ANKS1B: variants seen among roughly 807,000 people sequenced by gnomAD.
ANKS1B encodes ankyrin repeat and sterile alpha motif domain containing 1B.
In ANKS1B, 36 loss-of-function variants were observed where a neutral mutation model predicts 148.3. The observed-to-expected ratio is 0.24, with a 90% CI of 0.19 to 0.32. The LOEUF (loss-of-function observed/expected upper bound fraction) is 0.32. Ranked by LOEUF, ANKS1B falls within the 10% of genes least tolerant of loss-of-function variation. ANKS1B has a pLI of 1.00. For missense variants in ANKS1B, 1,157 were observed against 1,542.6 expected (o/e 0.75, Z 4.19); for synonymous variants, 542 against 560.8 (o/e 0.97, Z 0.47).
chr12:99,391,255 C>T (rs1188736681), intron 12 of ANKS1B, among the ~76,000 whole-genome samples: 3 of 152,180 alleles, frequency 2.0e-5, no homozygotes, highest in Non-Finnish European at 2.9e-5. Context: ...GATCATCTCT[C>T]TTCGTTTAAA....
intron 16 of ANKS1B, among the ~76,000 whole-genome samples, chr12:99,083,309 G>A (rs968211243): frequency 3.3e-5 from 5 of 152,232 alleles, no homozygotes; most frequent in South Asian, 4.1e-4. Context: ...AAATATCCAG[G>A]TGTATCTATT....
chr12:98,839,558 TTAAGTA>T (rs953794505), intron 17 of ANKS1B, among the ~76,000 whole-genome samples: 55 of 152,332 alleles, frequency 3.6e-4, no homozygotes, highest in Admixed American at 2.5e-3. Context: ...TATTTCTCTT[TTAAGTA>T]TAACAGAAAC....
At chr12:98,934,814 T>C (rs942521652) in intron 17 of ANKS1B, among the ~76,000 whole-genome samples, 10 of 152,034 alleles carry the variant, frequency 6.6e-5, no homozygotes, top group African/African-American at 2.4e-4. Context: ...ATTGATTTGG[T>C]ATATATCAAT....
intron 8 of ANKS1B, among the ~76,000 whole-genome samples, chr12:99,724,300 G>A (rs1367433201): frequency 6.6e-6 from 1 of 152,128 alleles, no homozygotes; most frequent in African/African-American, 2.4e-5. Flanking sequence ...CCAGTTTAGA[G>A]AGGAACATAA....
At chr12:98,932,385 G>A (rs1471613270) in intron 17 of ANKS1B, among the ~76,000 whole-genome samples, 1 of 152,130 alleles carries the variant, frequency 6.6e-6, no homozygotes, top group Non-Finnish European at 1.5e-5. Context: ...TTTAATTCCA[G>A]GATGCTCAGA....
intron 1 of ANKS1B, among the ~76,000 whole-genome samples, chr12:99,974,653 C>T (rs985023248): frequency 1.3e-5 from 2 of 152,062 alleles, no homozygotes; most frequent in Non-Finnish European, 2.9e-5. Flanking sequence ...AGGAGGATGG[C>T]TTGATCCCAG....
chr12:99,785,106 G>A (rs760643589), intron 4 of ANKS1B, among the ~76,000 whole-genome samples: 5 of 152,100 alleles, frequency 3.3e-5, no homozygotes, highest in Non-Finnish European at 7.4e-5. Flanking sequence ...CAATTTGTGA[G>A]TAGTGCAGGA....
At chr12:98,854,955 C>T (rs498270) in intron 17 of ANKS1B, among the ~76,000 whole-genome samples, 32,870 of 151,614 alleles carry the variant, frequency 0.22, 4,221 homozygotes, top group East Asian at 0.5. Flanking sequence ...GTCAGGAGAT[C>T]GAGACCATCC....
chr12:99,701,157 T>C (rs901808951), intron 8 of ANKS1B, among the ~76,000 whole-genome samples: 1 of 152,152 alleles, frequency 6.6e-6, no homozygotes, highest in African/African-American at 2.4e-5. Flanking sequence ...CTATTTCATA[T>C]CTTAGAATCT....
chr12:99,799,319 T>C (rs2066647498), intron 4 of ANKS1B, among the ~76,000 whole-genome samples: 1 of 152,098 alleles, frequency 6.6e-6, no homozygotes, highest in Non-Finnish European at 1.5e-5. Flanking sequence ...TTCTATCTCA[T>C]GGCTTCATCT....
intron 15 of ANKS1B, among the ~76,000 whole-genome samples, chr12:99,109,144 T>C (rs2059798432): frequency 6.6e-6 from 1 of 151,972 alleles, no homozygotes; most frequent in Non-Finnish European, 1.5e-5. Flanking sequence ...TGTAGAATGT[T>C]CCCAGGCTCT....
intron 17 of ANKS1B, among the ~76,000 whole-genome samples, chr12:98,979,150 G>C (rs570285214): frequency 6.6e-6 from 1 of 151,334 alleles, no homozygotes; most frequent in Admixed American, 6.6e-5. Context: ...TCAAAAAAAA[G>C]AAATTTTTTT....
chr12:99,669,653 GT>G (rs1394670326), intron 8 of ANKS1B, among the ~76,000 whole-genome samples: 1 of 151,982 alleles, frequency 6.6e-6, no homozygotes, highest in African/African-American at 2.4e-5. Context: ...TTCTTTGGAG[GT>G]TTTTCTTTTT....
rs181580913 is a variant in ANKS1B at position 99,342,599 on chromosome 12, T to A, written c.1756+57032A>T. Among the ~76,000 whole-genome samples the A allele has an allele frequency of 4.6e-5, 7 of 152,140 alleles. 1 individual carries two copies. The highest frequency in any genetic ancestry group is 1.7e-4 in the African/African-American group (7 of 41,544). On this transcript the variant is annotated intron_variant, in intron 12 of 26. Coordinates refer to ENST00000683438, the MANE Select transcript of ANKS1B (RefSeq NM_001352186.2). ...CCATGATTCCAAAAGAGGCAGTATA[T>A]CTTTGTATATTTAGAAAAGAAAAGG...
intron 17 of ANKS1B, among the ~76,000 whole-genome samples, chr12:99,046,807 TAAAAAAAAAGA>T (rs199675918): frequency 0.17 from 13,993 of 80,524 alleles, 853 homozygotes; most frequent in South Asian, 0.38. Context: ...GACTCTGTCT[TAAAAAAAAAGA>T]AAAAAAAAAG....
intron 1 of ANKS1B, among the ~76,000 whole-genome samples, chr12:99,883,162 A>C (rs945273352): frequency 6.6e-6 from 1 of 152,204 alleles, no homozygotes; most frequent in African/African-American, 2.4e-5. Flanking sequence ...TTTAACAGTT[A>C]AGAGCAAAAA....
chr12:99,513,745 G>T (rs556159025), intron 9 of ANKS1B, among the ~76,000 whole-genome samples: 9 of 151,870 alleles, frequency 5.9e-5, no homozygotes, highest in Non-Finnish European at 1.5e-5. Flanking sequence ...CCCAGCTACC[G>T]CATGCTAGTC....
At position 99,386,468 on chromosome 12, in the gene ANKS1B, G is replaced by C. The variant is rs150063142; in HGVS notation, c.1756+13163C>G. Among the ~76,000 whole-genome samples the C allele has an allele frequency of 2.4e-3, 364 of 151,712 alleles. 2 individuals are homozygous for C. Among genetic ancestry groups the C allele is most frequent in the African/African-American group, 8.5e-3 (351 of 41,390 alleles). On this transcript the variant is annotated intron_variant, in intron 12 of 26. Coordinates refer to ENST00000683438, the MANE Select transcript of ANKS1B (RefSeq NM_001352186.2). ...TAGAAAGTAACAACATCAGGGTGAAGAAAAAGTCAGTTATGGGAAAGAAAA... is the reference window on the plus strand; with the variant it reads ...TAGAAAGTAACAACATCAGGGTGAACAAAAAGTCAGTTATGGGAAAGAAAA...
intron 16 of ANKS1B, among the ~76,000 whole-genome samples, chr12:99,053,906 A>T (rs2099967853): frequency 6.6e-6 from 1 of 152,188 alleles, no homozygotes; most frequent in Non-Finnish European, 1.5e-5. Context: ...ATGAATAGAG[A>T]ACTTGCTGGC....
Sources: gnomAD v4.1 joint callset for allele counts (sites outside exome capture counted in the v4.1 genomes callset) on GRCh38, gnomAD v4.1.1 for gene constraint, MANE v1.5 for transcripts, NCBI Gene and HGNC (gene_info 2026-07-23, HGNC 2026-07-21) for gene names.